ADAMTS12: variants seen among roughly 807,000 people sequenced by gnomAD.
ADAMTS12 encodes A disintegrin and metalloproteinase with thrombospondin motifs 12.
ADAMTS12 carries 118 observed loss-of-function variants against 167.8 expected under a neutral mutation model. The ratio of observed to expected loss-of-function variants is 0.70; its 90% confidence interval spans 0.61 to 0.82. ADAMTS12 has a LOEUF of 0.82. ADAMTS12 is among the 40% of genes least tolerant of loss of function. The pLI, the probability that ADAMTS12 is intolerant of heterozygous loss-of-function variation, is 0.00. For missense variants in ADAMTS12, 1,916 were observed against 1,998.8 expected (o/e 0.96, Z 0.79); for synonymous variants, 704 against 716.9 (o/e 0.98, Z 0.29).
intron 3 of ADAMTS12, among the ~76,000 whole-genome samples, chr5:33,738,358 A>C (rs1364080593): frequency 6.6e-6 from 1 of 151,972 alleles, no homozygotes; most frequent in African/African-American, 2.4e-5. Context: ...GAATCTTGCC[A>C]ATCAGGTGAG....
chr5:33,852,061 A>T (rs866009856), intron 2 of ADAMTS12, among the ~76,000 whole-genome samples: 30 of 152,338 alleles, frequency 2.0e-4, no homozygotes, highest in Middle Eastern at 3.4e-3. Flanking sequence ...ATATTATCTA[A>T]CAGTTTAACC....
chr5:33,646,164 T>C (rs1740655157), intron 9 of ADAMTS12, among the ~76,000 whole-genome samples: 1 of 152,092 alleles, frequency 6.6e-6, no homozygotes, highest in Admixed American at 6.6e-5. Context: ...GGGTGTCCTG[T>C]TTCTAGTAAA....
chr5:33,851,208 C>T (rs207465899), intron 2 of ADAMTS12, among the ~76,000 whole-genome samples: 4 of 152,098 alleles, frequency 2.6e-5, no homozygotes, highest in Non-Finnish European at 5.9e-5. Context: ...GTCAGGAGAT[C>T]GAGATCATTC....
At chr5:33,869,300 C>G (rs1561318723) in intron 2 of ADAMTS12, among the ~76,000 whole-genome samples, 2 of 152,248 alleles carry the variant, frequency 1.3e-5, no homozygotes, top group East Asian at 3.9e-4. Context: ...GGTGTTATGC[C>G]TGCAGGTGCA....
At chr5:33,825,311 C>A (rs2112509066) in intron 2 of ADAMTS12, among the ~76,000 whole-genome samples, 1 of 152,272 alleles carries the variant, frequency 6.6e-6, no homozygotes, top group East Asian at 1.9e-4. Context: ...CTGACCATAT[C>A]CAAGAACACA....
In ADAMTS12 at chr5:33,661,929, C is replaced by T; in HGVS notation, c.1027G>A (p.Val343Ile). 1 of 1,613,354 alleles carries T rather than the reference C, an allele frequency of 6.2e-7. No homozygotes were observed. Among genetic ancestry groups the T allele is most frequent in the Non-Finnish European group, 8.5e-7 (1 of 1,179,528 alleles). Residue 343 changes from valine to isoleucine, a missense_variant, in exon 6 of 24, where the codon GTC becomes ATC. Transcript: ENST00000504830. Reference protein sequence around the residue: ...DLNPVHHDVAVLLTRKDICAG... With the variant: ...DLNPVHHDVAILLTRKDICAG... ...TCTCTGGTGTACCTGGTGAGAAGGA[C>T]AGCCACGTCGTGATGAACAGGATTG...
chr5:33,564,634 C>T (rs757940651), intron 19 of ADAMTS12, among the ~76,000 whole-genome samples: 19 of 152,190 alleles, frequency 1.2e-4, no homozygotes, highest in Non-Finnish European at 8.8e-5. Context: ...GTGTTCTAAG[C>T]AGGAGTGGTA....
At chr5:33,579,585 C>T (rs1234680464) in intron 18 of ADAMTS12, among the ~76,000 whole-genome samples, 2 of 152,186 alleles carry the variant, frequency 1.3e-5, no homozygotes, top group Non-Finnish European at 2.9e-5. Context: ...ATCATATCCC[C>T]TCCACCTCCC....
At chr5:33,539,001 G>A (rs995533663) in intron 22 of ADAMTS12, among the ~76,000 whole-genome samples, 4 of 152,092 alleles carry the variant, frequency 2.6e-5, no homozygotes, top group African/African-American at 9.7e-5. Context: ...GAGTGCAGTG[G>A]TACAATCTCG....
At position 33,787,878 on chromosome 5, in the gene ADAMTS12, C is replaced by T. The variant is rs192660611; in HGVS notation, c.490-36330G>A. On this transcript the variant is annotated intron_variant, in intron 2 of 23. Transcript: ENST00000504830. ...ATGGAGCTGTTTTCTCGTGACTCTT[C>T]CACACATTTACTGAGCATCTACCAT... Among the ~76,000 whole-genome samples the T allele has an allele frequency of 1.8e-3, 268 of 149,390 alleles. 1 individual carries two copies. The highest frequency in any genetic ancestry group is 6.5e-3 in the African/African-American group (253 of 38,768).
chr5:33,714,761 A>T (rs1251124030), intron 3 of ADAMTS12, among the ~76,000 whole-genome samples: 1 of 152,130 alleles, frequency 6.6e-6, no homozygotes, highest in Non-Finnish European at 1.5e-5. Context: ...TCATAGAAGT[A>T]AAGAGTAGAA....
rs1750878319 is a variant in ADAMTS12 at position 33,891,976 on chromosome 5, AGC to A, written c.-122_-121del. 1 of 1,319,606 alleles carries A rather than the reference AGC, an allele frequency of 7.6e-7. No individual in the cohort carries two copies. Among genetic ancestry groups the A allele is most frequent in the African/African-American group, 1.5e-5 (1 of 67,146 alleles). The allele number at this position is 1,319,606 out of a possible 1,614,324, so 81.7% of individuals were successfully genotyped here. ...GGTGCATGGTCAGGCGCGAGAAGGC[AGC>A]GACTGCAAAGCTGCCCGCGATCTCC... is the stretch of plus-strand genomic sequence containing the variant. On this transcript the variant is annotated 5_prime_UTR_variant, in exon 1 of 24. Transcript: ENST00000504830.
At chr5:33,821,925 C>T (rs1747884997) in intron 2 of ADAMTS12, among the ~76,000 whole-genome samples, 1 of 152,168 alleles carries the variant, frequency 6.6e-6, no homozygotes, top group Admixed American at 6.5e-5. Flanking sequence ...TTTTAGATTT[C>T]CTGAAACTGT....
intron 2 of ADAMTS12, among the ~76,000 whole-genome samples, chr5:33,853,140 T>C (rs1029840717): frequency 2.0e-5 from 3 of 152,174 alleles, no homozygotes; most frequent in Admixed American, 1.3e-4. Flanking sequence ...CACATAGATT[T>C]TAATCACCAC....
Position 33,534,909 on chromosome 5 carries a change from G to A in ADAMTS12, c.4530C>T (p.Asp1510=). The A allele has an allele frequency of 6.2e-7, 1 of 1,614,022 alleles. No individual in the cohort carries two copies. The highest frequency in any genetic ancestry group is 8.5e-7 in the Non-Finnish European group (1 of 1,179,990). Residue 1510 remains aspartate (D), a synonymous_variant, in exon 23 of 24, where the codon GAC becomes GAT. Transcript: ENST00000504830. Reference sequence around the variant, plus strand: ...TGGGTTTGTGATCACATAGACATTGGTCTTGGTCTTCAGTTTTATTGCCCT... The same window carrying A: ...TGGGTTTGTGATCACATAGACATTGATCTTGGTCTTCAGTTTTATTGCCCT... ...PSEGNKTEDQ[D]QCLCDHKPRP...
At chr5:33,679,959 T>C (rs1428139811) in intron 5 of ADAMTS12, among the ~76,000 whole-genome samples, 1 of 152,184 alleles carries the variant, frequency 6.6e-6, no homozygotes, top group African/African-American at 2.4e-5. Flanking sequence ...TTGACATTAG[T>C]TAAGGGCTGG....
intron 2 of ADAMTS12, among the ~76,000 whole-genome samples, chr5:33,865,419 G>C (rs190594865): frequency 6.6e-6 from 1 of 152,170 alleles, no homozygotes; most frequent in Non-Finnish European, 1.5e-5. Context: ...ATCCCGCATT[G>C]CTTTATGATA....
Position 33,851,864 on chromosome 5 carries a change from G to A in ADAMTS12, c.489+29255C>T, listed in dbSNP as rs190772380. Among the ~76,000 whole-genome samples, 55 of 152,264 alleles carry A rather than the reference G, an allele frequency of 3.6e-4. 2 individuals carry two copies. Among genetic ancestry groups the A allele is most frequent in the Admixed American group, 2.7e-3 (41 of 15,300 alleles). On this transcript the variant is annotated intron_variant, in intron 2 of 23. Coordinates refer to ENST00000504830, the MANE Select transcript of ADAMTS12 (RefSeq NM_030955.4). ...ATTCTGCATTAGCTACTCCCAGTAT[G>A]GGCATACACATGCTCATGTGCACAC... is the stretch of plus-strand genomic sequence containing the variant.
intron 5 of ADAMTS12, among the ~76,000 whole-genome samples, chr5:33,678,509 G>C (rs1035680470): frequency 1.3e-5 from 2 of 152,162 alleles, no homozygotes; most frequent in African/African-American, 4.8e-5. Context: ...CTAGGAAAGG[G>C]GGTCAGGAAA....
Sources: allele counts gnomAD v4.1 joint callset (sites outside exome capture counted in the v4.1 genomes callset), GRCh38; gene constraint gnomAD v4.1.1; transcripts MANE v1.5; gene names NCBI Gene and HGNC (gene_info 2026-07-23, HGNC 2026-07-21).